The following SYNM variants were observed in gnomAD, a reference collection of about 807,000 sequenced individuals.
SYNM encodes the protein synemin, also known as desmuslin.
Under a neutral mutation model 104.0 loss-of-function variants are expected in SYNM, and 95 were observed. The observed-to-expected ratio is 0.91, with a 90% CI of 0.77 to 1.08. The LOEUF is 1.08. Among genes scored for constraint, SYNM ranks in the 50% least tolerant of loss-of-function variants. The pLI is 0.00. For missense variants in SYNM, 2,150 were observed against 2,052.2 expected, an observed-to-expected ratio of 1.05 and a Z score of -0.92; for synonymous variants, 918 against 869.0, an observed-to-expected ratio of 1.06 and a Z score of -0.99.
chr15:99,138,738 T>C (rs1408530120), downstream of SYNM, among the ~76,000 whole-genome samples: 1 of 152,202 alleles, frequency 6.6e-6, no homozygotes, highest in Non-Finnish European at 1.5e-5. Flanking sequence ...CCTCCCTGGC[T>C]CGCCTTCCCT....
At chr15:99,141,737 G>A in the SYNM span, among the ~76,000 whole-genome samples, 1 of 152,130 alleles carries the variant, frequency 6.6e-6, no homozygotes, top group Non-Finnish European at 1.5e-5. Flanking sequence ...ATAAGCTGTG[G>A]AAACTATAAA....
intron 1 of SYNM, among the ~76,000 whole-genome samples, chr15:99,111,259 T>C (rs1388386094): frequency 2.6e-5 from 4 of 152,234 alleles, no homozygotes; most frequent in Non-Finnish European, 5.9e-5. Flanking sequence ...TAACAACATT[T>C]GAACTTCTTT....
chr15:99,139,508 G>A (rs200493277), downstream of SYNM: 1,988 of 1,561,254 alleles, frequency 1.3e-3, 3 homozygotes, highest in Non-Finnish European at 1.4e-3. Context: ...AGGCCCTGCT[G>A]TGATGGAATT....
chr15:99,128,695 C>T (rs10444900), intron 3 of SYNM: 11,834 of 152,908 alleles, frequency 0.077, 474 homozygotes, highest in South Asian at 0.087. Context: ...GCACTGTCTG[C>T]AAACAGCCTG....
In SYNM at chr15:99,105,193, C is replaced by A; in HGVS notation, c.-7C>A. 6.4e-7 allele frequency: 1 copy of A among 1,571,460 alleles called. No individual in the cohort carries two copies. ...GCCAGCCGCGAGAACCCCGCACGCC[C>A]GGCAAGATGCTGTCCTGGCGGCTGC... On this transcript the variant is annotated 5_prime_UTR_variant, in exon 1 of 4. Transcript: ENST00000336292.
intron 2 of SYNM, among the ~76,000 whole-genome samples, chr15:99,124,300 CTTG>C (rs1203152260): frequency 1.3e-5 from 2 of 152,202 alleles, no homozygotes; most frequent in East Asian, 3.8e-4. Flanking sequence ...TCCTCAGAGT[CTTG>C]TTGATGCTTT....
downstream of SYNM, among the ~76,000 whole-genome samples, chr15:99,135,858 T>TA (rs2067569003): frequency 7.9e-5 from 12 of 152,342 alleles, no homozygotes; most frequent in Admixed American, 7.2e-4. Flanking sequence ...GGTAAAAATG[T>TA]CATCATCACA....
Position 99,130,734 on chromosome 15 carries a change from G to A in SYNM, c.2374G>A (p.Glu792Lys). 6.2e-7 allele frequency: 1 copy of A among 1,613,902 alleles called. No homozygotes were observed. Among genetic ancestry groups the A allele is most frequent in the Non-Finnish European group, 8.5e-7 (1 of 1,179,876 alleles). The change falls in exon 4 of 4, where the codon GAA becomes AAA. Residue 792 changes from glutamate (E) to lysine (K), a missense_variant. Glu to Lys is a moderately conservative substitution (Grantham distance 56). Coordinates refer to ENST00000336292, the MANE Select transcript of SYNM (RefSeq NM_145728.3). ...GLVKEEEGYG[E>K]SDVTFSVNQH... ...GGTTAAGGAGGAGGAAGGTTATGGA[G>A]AAAGCGATGTCACATTCTCAGTTAA...
chr15:99,133,452 G>A lies in SYNM; in HGVS notation c.*394G>A, dbSNP rs1439372968. 5.6e-6 allele frequency: 1 copy of A among 177,256 alleles called. No homozygotes were observed. The highest frequency in any genetic ancestry group is 1.2e-5 in the Non-Finnish European group (1 of 82,350). The allele number at this position is 177,256 out of a possible 1,614,324, so 11.0% of individuals were successfully genotyped here. A position where few individuals can be genotyped will look rare whatever the true frequency, so the allele number is the denominator to read the frequency against. ...ATATATTTAAGAGTAAATTTTGCTT[G>A]CATGTGCTAATATGAAATAACAGAC... On this transcript the variant is annotated 3_prime_UTR_variant, in exon 4 of 4. Transcript: ENST00000336292.
chr15:99,138,146 T>G (rs782269207), downstream of SYNM: 26 of 1,611,130 alleles, frequency 1.6e-5, no homozygotes, highest in East Asian at 2.2e-5. Flanking sequence ...AAGCAGAGGG[T>G]GGGGTGAGTG....
rs1008448205 is a variant in SYNM at position 99,105,117 on chromosome 15, G to A, written c.-83G>A. ...TCCGGGGCAGCGGCGAGGCCGGAGCGTCGCGGCGGAGAGGACGAGACCGGG... is the reference window on the plus strand; with the variant it reads ...TCCGGGGCAGCGGCGAGGCCGGAGCATCGCGGCGGAGAGGACGAGACCGGG... On this transcript the variant is annotated 5_prime_UTR_variant, in exon 1 of 4. Coordinates refer to ENST00000336292, the MANE Select transcript of SYNM (RefSeq NM_145728.3). 8 of 1,453,532 alleles carry A rather than the reference G, an allele frequency of 5.5e-6. No individual in the cohort carries two copies. Among genetic ancestry groups the A allele is most frequent in the Middle Eastern group, 2.4e-4 (1 of 4,134 alleles). The allele number at this position is 1,453,532 out of a possible 1,614,324, so 90.0% of individuals were successfully genotyped here.
chr15:99,105,207 C>T lies in SYNM; in HGVS notation c.8C>T (p.Ser3Phe), dbSNP rs1555482307. 3 of 1,573,818 alleles carry T rather than the reference C, an allele frequency of 1.9e-6. No homozygotes were observed. In the Admixed American group the frequency reaches 5.5e-5, roughly 29 times the overall value. The change falls in exon 1 of 4, where the codon TCC becomes TTC. Residue 3 changes from serine to phenylalanine, a missense_variant. By Grantham distance (155) the Ser-to-Phe change is radical. Coordinates refer to ENST00000336292, the MANE Select transcript of SYNM (RefSeq NM_145728.3). ...CCCCGCACGCCCGGCAAGATGCTGT[C>T]CTGGCGGCTGCAGACGGGCCCCGAG... ML[S>F]WRLQTGPEKA...
In SYNM at chr15:99,129,579, G is replaced by T. The variant is rs2067478429; in HGVS notation, c.1219G>T (p.Ala407Ser). 1 of 1,613,738 alleles carries T rather than the reference G, an allele frequency of 6.2e-7. No individual in the cohort carries two copies. The highest frequency in any genetic ancestry group is 1.1e-5 in the South Asian group (1 of 91,080). Residue 407 changes from alanine to serine, a missense_variant, in exon 4 of 4, where the codon GCC becomes TCC. Ala to Ser is a moderately conservative substitution (Grantham distance 99). Transcript: ENST00000336292. ...GFLGSGYSSS[A>S]TTQQENSYGK... Reference sequence around the variant, plus strand: ...CTTGGGCTCGGGATATTCTTCCTCGGCCACTACCCAGCAGGAAAACTCATA... The same window carrying T: ...CTTGGGCTCGGGATATTCTTCCTCGTCCACTACCCAGCAGGAAAACTCATA...
At chr15:99,108,633 C>T (rs150909902) in intron 1 of SYNM, among the ~76,000 whole-genome samples, 1 of 152,296 alleles carries the variant, frequency 6.6e-6, no homozygotes, top group East Asian at 1.9e-4. Context: ...CACAAATATT[C>T]ACTCTCAGTG....
intron 2 of SYNM, among the ~76,000 whole-genome samples, chr15:99,117,955 G>A (rs951494093): frequency 6.6e-6 from 1 of 152,188 alleles, no homozygotes; most frequent in South Asian, 2.1e-4. Flanking sequence ...GGAGCTACTC[G>A]TGCTTTCAGG....
Position 99,134,449 on chromosome 15 carries a change from A to G in SYNM, c.*1391A>G, listed in dbSNP as rs2067543982. 6.6e-6 allele frequency: 1 copy of G among 152,220 alleles called. No homozygotes were observed. Among genetic ancestry groups the G allele is most frequent in the South Asian group, 2.1e-4 (1 of 4,832 alleles). The allele number at this position is 152,220 out of a possible 1,614,324, so 9.4% of individuals were successfully genotyped here. ...GTCTGTAAAGTGTAGCATCATATAT[A>G]AAAAGAGTTTCGCTAGCAGCGCATT... is the stretch of plus-strand genomic sequence containing the variant. On this transcript the variant is annotated 3_prime_UTR_variant, in exon 4 of 4. Coordinates refer to ENST00000336292, the MANE Select transcript of SYNM (RefSeq NM_145728.3).
downstream of SYNM, chr15:99,138,030 G>A (rs1555487979): frequency 1.2e-6 from 2 of 1,613,958 alleles, no homozygotes; most frequent in Non-Finnish European, 1.7e-6. Flanking sequence ...GTTGTGCCGG[G>A]CCGGGCCTTC....
At chr15:99,138,564 C>T (rs28690249), downstream of SYNM, among the ~76,000 whole-genome samples, 21,749 of 152,242 alleles carry the variant, frequency 0.14, 2,436 homozygotes, top group African/African-American at 0.31. Context: ...TCCACCGCCT[C>T]GGCCTCCCAA....
At chr15:99,128,336 T>G (rs1205166586) in intron 3 of SYNM, among the ~76,000 whole-genome samples, 1 of 152,246 alleles carries the variant, frequency 6.6e-6, no homozygotes, top group Non-Finnish European at 1.5e-5. Context: ...TCCATGTTTC[T>G]TGTTGAATCT....
Sources: allele counts gnomAD v4.1 joint callset (sites outside exome capture counted in the v4.1 genomes callset), GRCh38; gene constraint gnomAD v4.1.1; transcripts MANE v1.5; gene names NCBI Gene and HGNC (gene_info 2026-07-23, HGNC 2026-07-21).